The following SMAD6 variants were observed in gnomAD, a reference collection of about 807,000 sequenced individuals.
SMAD6 encodes MAD homolog 6.
A neutral mutation model predicts 39.4 loss-of-function variants in SMAD6; 103 were observed. The ratio of observed to expected loss-of-function variants is 2.62; its 90% CI spans 2.23 to 3.08. The LOEUF is 3.08. Ranked by LOEUF, SMAD6 falls within the 30% of genes most tolerant of loss-of-function variation. The pLI, the probability that SMAD6 is intolerant of heterozygous loss-of-function variation, is 0.00. For synonymous variants in SMAD6, 445 were observed against 353.3 expected, an observed-to-expected ratio of 1.26 and a Z score of -2.91; for missense variants, 1,104 against 742.9, an observed-to-expected ratio of 1.49 and a Z score of -5.65.
chr15:66,781,597 G>A lies in SMAD6; in HGVS notation c.*62G>A. 2 of 1,300,482 alleles carry A rather than the reference G, an allele frequency of 1.5e-6. No homozygotes were observed. Among genetic ancestry groups the A allele is most frequent in the Non-Finnish European group, 2.0e-6 (2 of 976,484 alleles). 80.6% of individuals were successfully genotyped at this position (1,300,482 alleles called of 1,614,324 possible). ...GGCCACCGCCACCTGCCGGCCTCGAGAGGGGCCGATGCCCAGAGACACAGC... is the reference window on the plus strand; with the variant it reads ...GGCCACCGCCACCTGCCGGCCTCGAAAGGGGCCGATGCCCAGAGACACAGC... On this transcript the variant is annotated 3_prime_UTR_variant, in exon 4 of 4. Coordinates refer to ENST00000288840, the MANE Select transcript of SMAD6 (RefSeq NM_005585.5).
intron 3 of SMAD6, among the ~76,000 whole-genome samples, chr15:66,762,775 G>T (rs770308499): frequency 3.3e-5 from 5 of 152,134 alleles, no homozygotes; most frequent in African/African-American, 7.2e-5. Context: ...AACCCATGGT[G>T]TCTGTGGAAG....
intron 3 of SMAD6, among the ~76,000 whole-genome samples, chr15:66,768,778 C>A (rs908417487): frequency 9.9e-5 from 15 of 152,192 alleles, no homozygotes; most frequent in African/African-American, 3.6e-4. Context: ...AGGCAGATGA[C>A]TTTTCAAAAG....
chr15:66,717,166 G>A (rs1345071337), intron 3 of SMAD6: 1 of 1,284,490 alleles, frequency 7.8e-7, no homozygotes, highest in African/African-American at 1.5e-5. Context: ...GGGACATCGA[G>A]GGCCAGGACC....
chr15:66,752,543 T>C (rs569708783), intron 3 of SMAD6, among the ~76,000 whole-genome samples: 1 of 152,200 alleles, frequency 6.6e-6, no homozygotes, highest in Non-Finnish European at 1.5e-5. Context: ...CCCAGCACTT[T>C]GGGAGGCTGA....
chr15:66,737,389 A>C (rs1893730829), intron 3 of SMAD6, among the ~76,000 whole-genome samples: 2 of 152,188 alleles, frequency 1.3e-5, no homozygotes, highest in African/African-American at 4.8e-5. Flanking sequence ...GACTCATGGC[A>C]CAGGCTTCAG....
chr15:66,754,629 G>A (rs552656075), intron 3 of SMAD6, among the ~76,000 whole-genome samples: 1 of 152,280 alleles, frequency 6.6e-6, no homozygotes, highest in African/African-American at 2.4e-5. Flanking sequence ...CAGAATGAAT[G>A]CCTACTAGCT....
At chr15:66,737,487 C>T (rs1339515193) in intron 3 of SMAD6, among the ~76,000 whole-genome samples, 1 of 152,076 alleles carries the variant, frequency 6.6e-6, no homozygotes, top group Admixed American at 6.5e-5. Flanking sequence ...GACGGTAGTG[C>T]CTGGCATGGT....
chr15:66,773,473 G>A (rs1407980505), intron 3 of SMAD6, among the ~76,000 whole-genome samples: 1 of 152,216 alleles, frequency 6.6e-6, no homozygotes, highest in Non-Finnish European at 1.5e-5. Flanking sequence ...CATTTCTGCA[G>A]CTTAAAATGA....
At chr15:66,746,727 C>T (rs1309625019) in intron 3 of SMAD6, among the ~76,000 whole-genome samples, 3 of 152,156 alleles carry the variant, frequency 2.0e-5, no homozygotes, top group Non-Finnish European at 2.9e-5. Context: ...CTGGTGGGCA[C>T]GATAATCAAA....
chr15:66,781,706 T>G lies in SMAD6; in HGVS notation c.*171T>G. ...ATTATATGGAAATATATATTATACT[T>G]GTAATTATGGAGTCATTTTTACAAT... On this transcript the variant is annotated 3_prime_UTR_variant, in exon 4 of 4. Transcript: ENST00000288840. The G allele has an allele frequency of 2.4e-6, 1 of 424,060 alleles. No homozygotes were observed. The highest frequency in any genetic ancestry group is 4.1e-6 in the Non-Finnish European group (1 of 243,050). 26.3% of individuals were successfully genotyped at this position (424,060 alleles called of 1,614,324 possible). A position where few individuals can be genotyped will look rare whatever the true frequency, so the allele number is the denominator to read the frequency against.
chr15:66,708,884 C>T (rs1893173604), intron 1 of SMAD6: 1 of 374,764 alleles, frequency 2.7e-6, no homozygotes, highest in East Asian at 7.4e-5. Flanking sequence ...TACTCAAAAA[C>T]CACTGAATGG....
chr15:66,738,212 T>C (rs1258124777), intron 3 of SMAD6, among the ~76,000 whole-genome samples: 1 of 152,172 alleles, frequency 6.6e-6, no homozygotes, highest in Non-Finnish European at 1.5e-5. Context: ...AACAGCCCCC[T>C]GCCCGTGGGA....
chr15:66,737,742 T>C (rs1893739427), intron 3 of SMAD6, among the ~76,000 whole-genome samples: 1 of 149,050 alleles, frequency 6.7e-6, no homozygotes, highest in South Asian at 2.1e-4. Flanking sequence ...CAGGAAGTCA[T>C]GCAATTCCAG....
Position 66,781,461 on chromosome 15 carries a change from G to A in SMAD6, c.1417G>A (p.Gly473Arg). Reference sequence around the variant, plus strand: ...CCGCATCAGCTTCGCCAAGGGCTGGGGGCCCTGCTACTCCCGGCAGTTCAT... The same window carrying A: ...CCGCATCAGCTTCGCCAAGGGCTGGAGGCCCTGCTACTCCCGGCAGTTCAT... ...SVRISFAKGW[G>R]PCYSRQFITS... Residue 473 changes from glycine (G) to arginine (R), a missense_variant, in exon 4 of 4, where the codon GGG (glycine) becomes AGG (arginine). By Grantham distance (125) the Gly-to-Arg change is moderately radical. Coordinates refer to ENST00000288840, the MANE Select transcript of SMAD6 (RefSeq NM_005585.5). 5 of 1,604,036 alleles carry A rather than the reference G, an allele frequency of 3.1e-6. No individual in the cohort carries two copies. The highest frequency in any genetic ancestry group is 1.7e-5 in the Admixed American group (1 of 59,644).
At chr15:66,774,986 G>C (rs1157063570) in intron 3 of SMAD6, among the ~76,000 whole-genome samples, 1 of 151,902 alleles carries the variant, frequency 6.6e-6, no homozygotes, top group Non-Finnish European at 1.5e-5. Context: ...TCAGCCTCCC[G>C]AATAGTTGGG....
chr15:66,728,283 A>G (rs73469818), intron 3 of SMAD6, among the ~76,000 whole-genome samples: 11 of 152,352 alleles, frequency 7.2e-5, no homozygotes, highest in African/African-American at 2.6e-4. Context: ...CCTGACTTCT[A>G]ACCCCATCGT....
intron 3 of SMAD6, among the ~76,000 whole-genome samples, chr15:66,732,725 T>C (rs1487235397): frequency 1.3e-5 from 2 of 152,202 alleles, no homozygotes; most frequent in African/African-American, 4.8e-5. Context: ...TTACATATTC[T>C]AGTTAGCAGC....
chr15:66,746,983 G>C (rs567557672), intron 3 of SMAD6, among the ~76,000 whole-genome samples: 15 of 152,324 alleles, frequency 9.8e-5, no homozygotes, highest in African/African-American at 3.4e-4. Context: ...ATTAATAAGG[G>C]AAGAGTATGT....
At chr15:66,717,204 G>A in intron 3 of SMAD6, 4 of 1,173,092 alleles carry the variant, frequency 3.4e-6, no homozygotes, top group Non-Finnish European at 4.5e-6. Context: ...TTGGGAGCAT[G>A]GCTGGTGGCA....
Sources: gnomAD v4.1 joint callset for allele counts (sites outside exome capture counted in the v4.1 genomes callset) on GRCh38, gnomAD v4.1.1 for gene constraint, MANE v1.5 for transcripts, NCBI Gene and HGNC (gene_info 2026-07-23, HGNC 2026-07-21) for gene names.